The following BOP1 variants were observed in gnomAD, a reference collection of about 807,000 sequenced individuals.
BOP1 encodes BOP1 ribosomal biogenesis factor.
Under a neutral mutation model 82.9 loss-of-function variants are expected in BOP1, and 54 were observed. The observed-to-expected ratio is 0.65, with a 90% CI of 0.52 to 0.82. BOP1 has a LOEUF of 0.82. BOP1 is among the 40% of genes least tolerant of loss of function. The pLI, the probability that BOP1 is intolerant of heterozygous loss-of-function variation, is 0.00. For synonymous variants in BOP1, 566 were observed against 451.1 expected (o/e 1.25, Z -3.23); for missense variants, 1,170 against 1,072.0 (o/e 1.09, Z -1.28).
In BOP1 at chr8:144,262,535, T is replaced by A. The variant is rs1446605700; in HGVS notation, c.1980-32A>T. On this transcript the variant is annotated intron_variant, in intron 14 of 15. Transcript: ENST00000569669. Reference sequence around the variant, plus strand: ...GGAGGGAACCAGGTTGAAGGCAGGCTCGGGCTGAAGGGAGGGGCTCTGCTG... The same window carrying A: ...GGAGGGAACCAGGTTGAAGGCAGGCACGGGCTGAAGGGAGGGGCTCTGCTG... 3.1e-6 allele frequency: 5 copies of A among 1,612,656 alleles called. No individual in the cohort carries two copies. In the African/African-American group the frequency reaches 6.7e-5, roughly 22 times the overall value.
intron 3 of BOP1, among the ~76,000 whole-genome samples, chr8:144,269,595 G>A (rs992022393): frequency 9.2e-5 from 14 of 152,232 alleles, no homozygotes; most frequent in Non-Finnish European, 1.9e-4. Context: ...AATATAACAG[G>A]ATAAAAAGTC....
chr8:144,265,230 T>TG (rs1845333044), intron 3 of BOP1, 159 bp from the exon 4 acceptor site: 1 of 850,472 alleles, frequency 1.2e-6, no homozygotes, highest in Non-Finnish European at 1.8e-6. Context: ...TCCCCAGCCC[T>TG]GGGGTCTGAC....
chr8:144,283,210 A>AAAAAAAAAAAAAAAAAAAC (rs1814767002), intron 2 of BOP1, among the ~76,000 whole-genome samples: 1 of 146,254 alleles, frequency 6.8e-6, no homozygotes, highest in African/African-American at 2.5e-5. Context: ...TCAAAAAAAA[A>AAAAAAAAAAAAAAAAAAAC]AAAAAAAAAA....
At position 144,281,143 on chromosome 8, in the gene BOP1, C is replaced by T. The variant is rs1188542181; in HGVS notation, c.310-4839G>A. Among the ~76,000 whole-genome samples the T allele has an allele frequency of 3.1e-4, 41 of 130,578 alleles. 3 individuals are homozygous for T. The highest frequency in any genetic ancestry group is 7.3e-4 in the African/African-American group (26 of 35,496). 85.7% of individuals were successfully genotyped at this position (130,578 alleles called of 152,430 possible). On this transcript the variant is annotated intron_variant, in intron 2 of 15. Transcript: ENST00000569669. Reference sequence around the variant, plus strand: ...AGTTTAATACCAGGTCTTAGGCCTTCTCTCAGTTTAATACCAGGTCTTCGG... The same window carrying T: ...AGTTTAATACCAGGTCTTAGGCCTTTTCTCAGTTTAATACCAGGTCTTCGG...
At chr8:144,288,509 C>T (rs566663960) in intron 2 of BOP1, among the ~76,000 whole-genome samples, 1 of 152,108 alleles carries the variant, frequency 6.6e-6, no homozygotes, top group African/African-American at 2.4e-5. Context: ...GCCTGGGCGA[C>T]AGAGTGAGAC....
At chr8:144,266,264 C>T (rs1160949173) in intron 3 of BOP1, among the ~76,000 whole-genome samples, 1 of 152,168 alleles carries the variant, frequency 6.6e-6, no homozygotes, top group African/African-American at 2.4e-5. Flanking sequence ...AGTTCCTCCG[C>T]ATCCCCAGAG....
chr8:144,278,994 G>A (rs1158465423), intron 2 of BOP1, among the ~76,000 whole-genome samples: 1 of 152,224 alleles, frequency 6.6e-6, no homozygotes, highest in East Asian at 1.9e-4. Context: ...AGAGTGGCAG[G>A]GTCGTTCCCA....
At chr8:144,262,774 A>ACCCCCACCTGCAGGGTACACCGCCCC in intron 13 of BOP1, 79 bp downstream of exon 13, 1 of 669,418 alleles carries the variant, frequency 1.5e-6, no homozygotes. Context: ...CACTGCCCCT[A>ACCCCCACCTGCAGGGTACACCGCCCC]CCCCCACCCC....
chr8:144,277,668 CA>C (rs1197975462), intron 2 of BOP1, among the ~76,000 whole-genome samples: 5 of 152,370 alleles, frequency 3.3e-5, no homozygotes, highest in Admixed American at 2.0e-4. Context: ...AGGCTCTGGG[CA>C]GGGGGCAGAG....
chr8:144,273,074 C>T (rs950305332), intron 3 of BOP1, among the ~76,000 whole-genome samples: 21 of 152,072 alleles, frequency 1.4e-4, no homozygotes, highest in African/African-American at 4.6e-4. Flanking sequence ...CCACAAGCAG[C>T]GTGGGGAGGG....
At chr8:144,268,151 C>A in intron 3 of BOP1, 1 of 1,550,842 alleles carries the variant, frequency 6.4e-7, no homozygotes, top group Non-Finnish European at 8.7e-7. Context: ...AGGAGGTGGC[C>A]GGCAGCAGCC....
chr8:144,281,027 C>A (rs1471116087), intron 2 of BOP1, among the ~76,000 whole-genome samples: 1 of 145,528 alleles, frequency 6.9e-6, no homozygotes, highest in Non-Finnish European at 1.5e-5. Context: ...GGCCTTCTCT[C>A]ACTTTAATAC....
Position 144,289,217 on chromosome 8 carries a change from G to C in BOP1, c.187C>G (p.Leu63Val). 1.2e-6 allele frequency: 2 copies of C among 1,614,060 alleles called. No individual in the cohort carries two copies. Among genetic ancestry groups the C allele is most frequent in the Non-Finnish European group, 1.7e-6 (2 of 1,179,930 alleles). ...SDSEESVFSG[L>V]EDSGSDSSED... is the part of the protein sequence containing the mutation. The stretch of plus-strand genomic sequence containing the variant: ...CTGCTGTCACTGCCGGAATCTTCCA[G>C]GCCTGAGAACACACTTTCCTCGCTG... Residue 63 changes from leucine (L) to valine (V), a missense_variant, in exon 2 of 16, where the codon CTG (leucine) becomes GTG (valine). Leu to Val is a conservative substitution (Grantham distance 32, BLOSUM62 1). Coordinates refer to ENST00000569669, the MANE Select transcript of BOP1 (RefSeq NM_015201.5).
intron 3 of BOP1, among the ~76,000 whole-genome samples, chr8:144,273,041 C>T (rs1845516215): frequency 6.6e-6 from 1 of 152,236 alleles, no homozygotes; most frequent in African/African-American, 2.4e-5. Context: ...GAGATTGGGG[C>T]GGTCTGCAGG....
chr8:144,275,823 C>T (rs1012709682), intron 3 of BOP1, among the ~76,000 whole-genome samples: 3 of 152,092 alleles, frequency 2.0e-5, no homozygotes, highest in Admixed American at 6.5e-5. Flanking sequence ...ACAGCACACA[C>T]GACAGGGGCA....
chr8:144,265,167 G>A (rs1054950794), intron 3 of BOP1, 96 bp from the exon 4 acceptor site: 247 of 1,421,012 alleles, frequency 1.7e-4, no homozygotes, highest in Non-Finnish European at 2.3e-4. Context: ...TGCAGGGGGA[G>A]TGCAGGCCCA....
rs991635176 is a variant in BOP1, at chr8:144,263,734, G to A, written c.1249C>T (p.Arg417Trp). ...LVYRGHSDLV[R>W]CLSVSPGGQW... Reference sequence around the variant, plus strand: ...CCCCCAGGAGAGACACTGAGGCACCGGACAAGGTCACTGTGGCCCCTGTAG... The same window carrying A: ...CCCCCAGGAGAGACACTGAGGCACCAGACAAGGTCACTGTGGCCCCTGTAG... The change falls in exon 10 of 16, where the codon CGG (arginine) becomes TGG (tryptophan). Residue 417 changes from arginine to tryptophan, a missense_variant. Transcript: ENST00000569669. 3.1e-4 allele frequency: 482 copies of A among 1,577,808 alleles called. No individual in the cohort carries two copies. The highest frequency in any genetic ancestry group is 3.8e-4 in the Non-Finnish European group (444 of 1,163,056).
chr8:144,271,075 GAGCCCCGGCC>G (rs1845484341), intron 3 of BOP1, among the ~76,000 whole-genome samples: 1 of 107,194 alleles, frequency 9.3e-6, no homozygotes. Context: ...CCCGCACGGA[GAGCCCCGGCC>G]GGCCGGCCGG....
intron 3 of BOP1, chr8:144,268,300 G>A (rs942672604): frequency 5.6e-5 from 61 of 1,086,130 alleles, no homozygotes; most frequent in South Asian, 2.5e-4. Context: ...AGGGACAGAC[G>A]GACGTACAGA....
Sources: gnomAD v4.1 joint callset for allele counts (sites outside exome capture counted in the v4.1 genomes callset) on GRCh38, gnomAD v4.1.1 for gene constraint, MANE v1.5 for transcripts, NCBI Gene and HGNC (gene_info 2026-07-23, HGNC 2026-07-21) for gene names.